The following TOGARAM1 variants were observed in gnomAD, a reference collection of about 807,000 sequenced individuals.
TOGARAM1 encodes the protein TOG array regulator of axonemal microtubules protein 1.
Under a neutral mutation model 166.6 loss-of-function variants are expected in TOGARAM1, and 100 were observed. The ratio of observed to expected loss-of-function variants is 0.60; its 90% CI spans 0.51 to 0.71. TOGARAM1 has a LOEUF of 0.71. TOGARAM1 is among the 30% of genes least tolerant of loss of function. TOGARAM1 has a pLI of 0.00. For synonymous variants in TOGARAM1, 758 were observed against 763.8 expected (o/e 0.99, Z 0.13); for missense variants, 2,029 against 2,102.7 (o/e 0.96, Z 0.69).
chr14:44,974,911 G>A (rs1886096599), intron 1 of TOGARAM1, among the ~76,000 whole-genome samples: 1 of 152,042 alleles, frequency 6.6e-6, no homozygotes, highest in East Asian at 1.9e-4. Flanking sequence ...CTAAATAAAA[G>A]AACTGTGGTA....
At chr14:45,059,693 A>G (rs1882809917) in intron 16 of TOGARAM1, among the ~76,000 whole-genome samples, 1 of 151,974 alleles carries the variant, frequency 6.6e-6, no homozygotes, top group East Asian at 1.9e-4. Context: ...ACAAAAAACA[A>G]ACACTATTGA....
intron 1 of TOGARAM1, among the ~76,000 whole-genome samples, chr14:44,971,977 G>A (rs555830078): frequency 1.7e-4 from 26 of 152,280 alleles, no homozygotes; most frequent in Admixed American, 9.2e-4. Flanking sequence ...AGAAAGTGAA[G>A]AGGAAGGAGT....
At chr14:45,049,680 T>G (rs1882263970) in intron 14 of TOGARAM1, among the ~76,000 whole-genome samples, 1 of 152,218 alleles carries the variant, frequency 6.6e-6, no homozygotes, top group South Asian at 2.1e-4. Flanking sequence ...TCTTATTATA[T>G]TCACAAATTT....
chr14:45,032,146 C>A, intron 10 of TOGARAM1, 77 bp from the exon 11 acceptor site: 2 of 1,317,668 alleles, frequency 1.5e-6, no homozygotes, highest in Non-Finnish European at 2.1e-6. Flanking sequence ...GGCAACACAG[C>A]GAGACTCCAT....
intron 1 of TOGARAM1, among the ~76,000 whole-genome samples, chr14:44,966,499 T>C (rs752158438): frequency 2.0e-5 from 3 of 152,100 alleles, no homozygotes; most frequent in Non-Finnish European, 4.4e-5. Flanking sequence ...CTAAAATAAA[T>C]TAATTACAAA....
At chr14:45,061,330 C>T (rs1315579392) in intron 16 of TOGARAM1, among the ~76,000 whole-genome samples, 1 of 152,196 alleles carries the variant, frequency 6.6e-6, no homozygotes, top group Non-Finnish European at 1.5e-5. Flanking sequence ...GATTCTCCAG[C>T]ATCTTCTTGT....
intron 1 of TOGARAM1, among the ~76,000 whole-genome samples, chr14:44,982,295 CTT>C (rs1397212416): frequency 6.6e-6 from 1 of 151,946 alleles, no homozygotes; most frequent in East Asian, 1.9e-4. Flanking sequence ...TTAGTGGATT[CTT>C]TTTGTGCTCT....
intron 1 of TOGARAM1, among the ~76,000 whole-genome samples, chr14:44,982,713 A>G (rs1886598526): frequency 6.6e-6 from 1 of 152,202 alleles, no homozygotes; most frequent in African/African-American, 2.4e-5. Flanking sequence ...TGTCTTTTTA[A>G]TCATCTAATT....
chr14:45,059,659 A>AAAAC (rs551810899), intron 16 of TOGARAM1, among the ~76,000 whole-genome samples: 5 of 151,882 alleles, frequency 3.3e-5, no homozygotes, highest in Admixed American at 1.3e-4. Flanking sequence ...CTGTCTCAAA[A>AAAAC]AAAACAAAAC....
At chr14:45,041,765 TG>T (rs1881740381) in intron 11 of TOGARAM1, among the ~76,000 whole-genome samples, 1 of 152,224 alleles carries the variant, frequency 6.6e-6, no homozygotes. Flanking sequence ...GACTTTTTTT[TG>T]TCTTTGTTTG....
chr14:45,063,060 A>G (rs1030211087), intron 16 of TOGARAM1, among the ~76,000 whole-genome samples: 3 of 152,120 alleles, frequency 2.0e-5, no homozygotes, highest in African/African-American at 7.2e-5. Flanking sequence ...AAATCATATG[A>G]TATGTGGTCT....
At chr14:44,990,746 C>T (rs997088245) in intron 1 of TOGARAM1, among the ~76,000 whole-genome samples, 3 of 152,088 alleles carry the variant, frequency 2.0e-5, no homozygotes, top group Admixed American at 1.3e-4. Flanking sequence ...CTGACGGCTA[C>T]AGAGAGTTCA....
chr14:44,963,727 G>T lies in TOGARAM1; in HGVS notation c.1306G>T (p.Val436Phe), dbSNP rs1401567043. ...GEQVQQFLGP[V>F]IAASVKVLAD... is the part of the protein sequence containing the mutation. ...GCAGGTACAGCAGTTCTTGGGACCA[G>T]TTATAGCAGCTTCTGTCAAAGTGCT... The change falls in exon 1 of 20, where the codon GTT becomes TTT. Residue 436 changes from valine to phenylalanine, a missense_variant. Val to Phe is a conservative substitution (Grantham distance 50, BLOSUM62 -1). Around this residue, in one of 2 missense-constraint regions of TOGARAM1, gnomAD observed 1,453 missense variants for 1,432.2 expected, o/e 1.01. Transcript: ENST00000361462. 1 of 1,613,920 alleles carries T rather than the reference G, an allele frequency of 6.2e-7. No individual in the cohort carries two copies. Among genetic ancestry groups the T allele is most frequent in the Non-Finnish European group, 8.5e-7 (1 of 1,179,980 alleles).
chr14:45,019,439 GA>G (rs906211400), intron 7 of TOGARAM1, among the ~76,000 whole-genome samples: 8 of 145,028 alleles, frequency 5.5e-5, no homozygotes, highest in East Asian at 2.0e-4. Context: ...CTAACACCTG[GA>G]AAAAAAAAAC....
At chr14:44,995,928 C>A in intron 2 of TOGARAM1, 26 bp downstream of exon 2, 2 of 1,570,812 alleles carry the variant, frequency 1.3e-6, no homozygotes, top group East Asian at 2.3e-5. Flanking sequence ...TGATGATGGT[C>A]ATGTTGAACT....
At chr14:44,997,814 A>G (rs1220000534) in intron 2 of TOGARAM1, among the ~76,000 whole-genome samples, 2 of 151,282 alleles carry the variant, frequency 1.3e-5, no homozygotes, top group Non-Finnish European at 2.9e-5. Context: ...AAAAAAAAAA[A>G]GAAGAAGAAG....
In TOGARAM1 at chr14:44,964,218, T is replaced by C. The variant is rs1024534568; in HGVS notation, c.1797T>C (p.Gly599=). ...YAVLMPSSAG[G]RSNHLAHGAD... Reference sequence around the variant, plus strand: ...TACTGATGCCATCTTCTGCCGGGGGTAGGTCAAACCATTTGGCACATGGAG... The same window carrying C: ...TACTGATGCCATCTTCTGCCGGGGGCAGGTCAAACCATTTGGCACATGGAG... Residue 599 remains glycine (G), a synonymous_variant, in exon 1 of 20, where the codon GGT becomes GGC. Coordinates refer to ENST00000361462, the MANE Select transcript of TOGARAM1 (RefSeq NM_001308120.2). The C allele has an allele frequency of 5.6e-6, 9 of 1,613,854 alleles. No individual in the cohort carries two copies. The Admixed American group carries it at 1.0e-4, about 18-fold the overall frequency.
chr14:45,009,095 A>G lies in TOGARAM1; in HGVS notation c.3087A>G (p.Gln1029=), dbSNP rs1324748476. 1.2e-6 allele frequency: 2 copies of G among 1,614,076 alleles called. No individual in the cohort carries two copies. Among genetic ancestry groups the G allele is most frequent in the Non-Finnish European group, 1.7e-6 (2 of 1,179,978 alleles). ...NSYSESGVYS[Q]ESLTSSLSTT... ...ACAGTGAAAGTGGAGTTTACAGCCAAGAATCATTGACTTCTTCTCTGTCTA... is the reference window on the plus strand; with the variant it reads ...ACAGTGAAAGTGGAGTTTACAGCCAGGAATCATTGACTTCTTCTCTGTCTA... Residue 1029 remains glutamine, a synonymous_variant, in exon 6 of 20, where the codon CAA becomes CAG. Transcript: ENST00000361462.
chr14:45,003,653 CA>C (rs1323358432), intron 3 of TOGARAM1, among the ~76,000 whole-genome samples: 4 of 151,912 alleles, frequency 2.6e-5, no homozygotes, highest in Non-Finnish European at 4.4e-5. Context: ...CAAATAGAAA[CA>C]TGTTGATGAT....
Sources: allele counts gnomAD v4.1 joint callset (sites outside exome capture counted in the v4.1 genomes callset), GRCh38; gene constraint gnomAD v4.1.1; regional missense constraint gnomAD v4.1.1; transcripts MANE v1.5; gene names NCBI Gene and HGNC (gene_info 2026-07-23, HGNC 2026-07-21).